The following SLC6A11 variants were observed in gnomAD, a reference collection of about 807,000 sequenced individuals.
SLC6A11 encodes the protein solute carrier family 6 member 11.
Under a neutral mutation model 74.8 loss-of-function variants are expected in SLC6A11, and 25 were observed. The observed-to-expected ratio is 0.33, with a 90% CI of 0.24 to 0.47. The LOEUF (loss-of-function observed/expected upper bound fraction) is 0.47. Ranked by LOEUF, SLC6A11 falls within the 20% of genes least tolerant of loss-of-function variation. The pLI, the probability that SLC6A11 is intolerant of heterozygous loss-of-function variation, is 1.00. For synonymous variants in SLC6A11, 330 were observed against 330.2 expected (o/e 1.00, Z 0.01); for missense variants, 574 against 837.0 (o/e 0.69, Z 3.88).
Position 10,918,214 on chromosome 3 carries a change from C to A in SLC6A11, c.996-115C>A. On this transcript the variant is annotated intron_variant, in intron 7 of 13. Coordinates refer to ENST00000254488, the MANE Select transcript of SLC6A11 (RefSeq NM_014229.3). This position sits in a 1 kb window ranked among gnomAD's most constrained non-coding sequence, Gnocchi z 4.5. ...CATCAGAAAAACAGAGCTCCCTGTG[C>A]CTGCACTTCCCTGCCTGCCTCACAG... is the stretch of plus-strand genomic sequence containing the variant. The A allele has an allele frequency of 2.5e-6, 3 of 1,209,776 alleles. No individual in the cohort carries two copies. The highest frequency in any genetic ancestry group is 3.3e-6 in the Non-Finnish European group (3 of 899,888). The allele number at this position is 1,209,776 out of a possible 1,614,324, so 74.9% of individuals were successfully genotyped here. A position where few individuals can be genotyped will look rare whatever the true frequency, so the allele number is the denominator to read the frequency against.
At chr3:10,858,338 G>A (rs947880869) in intron 5 of SLC6A11, among the ~76,000 whole-genome samples, 2 of 152,252 alleles carry the variant, frequency 1.3e-5, no homozygotes, top group South Asian at 4.1e-4. Context: ...CTTCTCACTC[G>A]AATAATTATA....
intron 6 of SLC6A11, among the ~76,000 whole-genome samples, chr3:10,894,261 A>T (rs1049760414): frequency 1.3e-5 from 2 of 152,198 alleles, no homozygotes; most frequent in Non-Finnish European, 2.9e-5. Flanking sequence ...CACCGGTTCC[A>T]TTCAGATGAG....
At chr3:10,920,469 C>G (rs1430972333) in intron 8 of SLC6A11, among the ~76,000 whole-genome samples, 3 of 152,166 alleles carry the variant, frequency 2.0e-5, no homozygotes, top group African/African-American at 7.2e-5. Flanking sequence ...GAGCTTACCC[C>G]TCAGTAAAAA....
intron 1 of SLC6A11, among the ~76,000 whole-genome samples, chr3:10,818,068 A>ATT (rs34707916): frequency 1.5e-5 from 2 of 137,592 alleles, no homozygotes; most frequent in Non-Finnish European, 3.1e-5. Flanking sequence ...TCTGTCACAG[A>ATT]TTTTTTTTTT....
At chr3:10,933,430 C>T (rs1192460147) in intron 11 of SLC6A11, among the ~76,000 whole-genome samples, 177 bp downstream of exon 11, 2 of 152,222 alleles carry the variant, frequency 1.3e-5, no homozygotes, top group Admixed American at 6.5e-5. Flanking sequence ...TCTGCTTTCA[C>T]ACCATGCAGC....
At chr3:10,856,204 G>A (rs1694636867) in intron 5 of SLC6A11, among the ~76,000 whole-genome samples, 2 of 152,254 alleles carry the variant, frequency 1.3e-5, no homozygotes, top group Admixed American at 1.3e-4. Context: ...AATCGAGAAA[G>A]GATTGATAGA....
intron 3 of SLC6A11, among the ~76,000 whole-genome samples, chr3:10,821,608 TATCCTATGC>T (rs763238755): frequency 2.0e-5 from 3 of 152,250 alleles, no homozygotes; most frequent in Non-Finnish European, 4.4e-5. Flanking sequence ...CAAATAGCAT[TATCCTATGC>T]ATCCATTTTC....
rs34661734 is a variant in SLC6A11 at position 10,834,340 on chromosome 3, G to GT, written c.624-9863dup. 6.3e-3 allele frequency among the ~76,000 whole-genome samples: 724 copies of GT among 114,204 alleles called. 1 individual carries two copies. The highest frequency in any genetic ancestry group is 0.013 in the African/African-American group (405 of 31,300). 74.9% of individuals were successfully genotyped at this position (114,204 alleles called of 152,430 possible). A position where few individuals can be genotyped will look rare whatever the true frequency, so the allele number is the denominator to read the frequency against. ...GGACTCAGGCTCTGGAAGTAAGTTT[G>GT]TTTTTTTTTTTGTTTTTTTTTTCAG... On this transcript the variant is annotated intron_variant, in intron 4 of 13. Transcript: ENST00000254488.
At chr3:10,919,359 A>G (rs1440322696) in intron 8 of SLC6A11, among the ~76,000 whole-genome samples, 2 of 152,226 alleles carry the variant, frequency 1.3e-5, no homozygotes, top group Non-Finnish European at 2.9e-5. Context: ...TTCACCTACA[A>G]GCATGTCCAG....
chr3:10,912,528 G>A (rs1695400944), intron 7 of SLC6A11, among the ~76,000 whole-genome samples: 1 of 152,198 alleles, frequency 6.6e-6, no homozygotes, highest in Non-Finnish European at 1.5e-5. Context: ...ATACACCAAG[G>A]GCCTTGTTCT....
chr3:10,897,881 C>A (rs996074779), intron 6 of SLC6A11, among the ~76,000 whole-genome samples: 1 of 152,218 alleles, frequency 6.6e-6, no homozygotes, highest in Non-Finnish European at 1.5e-5. Context: ...CACCCTGCCC[C>A]TGTAGCAAAC....
chr3:10,860,069 T>C (rs1323732029), intron 5 of SLC6A11, among the ~76,000 whole-genome samples: 1 of 152,234 alleles, frequency 6.6e-6, no homozygotes, highest in African/African-American at 2.4e-5. Flanking sequence ...GGCTGTTTCT[T>C]TGCAAGAAAA....
At chr3:10,905,969 T>C (rs1478450586) in intron 6 of SLC6A11, among the ~76,000 whole-genome samples, 6 of 152,190 alleles carry the variant, frequency 3.9e-5, no homozygotes, top group Non-Finnish European at 8.8e-5. Context: ...CTGATGATGA[T>C]CAAATATATG....
intron 4 of SLC6A11, among the ~76,000 whole-genome samples, chr3:10,833,405 C>T (rs1301088942): frequency 6.6e-6 from 1 of 152,158 alleles, no homozygotes; most frequent in Non-Finnish European, 1.5e-5. Flanking sequence ...AGGGAGAACC[C>T]AAGGTCTATT....
At chr3:10,901,842 AAGTGATTTTC>A (rs1189850302) in intron 6 of SLC6A11, among the ~76,000 whole-genome samples, 1 of 152,230 alleles carries the variant, frequency 6.6e-6, no homozygotes, top group Non-Finnish European at 1.5e-5. Context: ...GGTGGGAAGG[AAGTGATTTTC>A]ATGTAATCAT....
chr3:10,875,591 G>A, intron 6 of SLC6A11, among the ~76,000 whole-genome samples: 1 of 152,228 alleles, frequency 6.6e-6, no homozygotes, highest in East Asian at 1.9e-4. Flanking sequence ...GCATCTTGGT[G>A]AGAGAAACTG....
chr3:10,829,332 C>T (rs1246657637), intron 4 of SLC6A11, among the ~76,000 whole-genome samples: 1 of 152,204 alleles, frequency 6.6e-6, no homozygotes, highest in Admixed American at 6.5e-5. Flanking sequence ...AGGGTCCCTT[C>T]CAGCCTCATC....
chr3:10,928,928 G>A (rs559714165), intron 9 of SLC6A11, among the ~76,000 whole-genome samples: 9 of 152,196 alleles, frequency 5.9e-5, no homozygotes, highest in Non-Finnish European at 1.3e-4. Context: ...GGAGTCTGGA[G>A]ACACCAGCTC....
chr3:10,872,469 C>G (rs1442704494), intron 5 of SLC6A11, among the ~76,000 whole-genome samples: 1 of 152,146 alleles, frequency 6.6e-6, no homozygotes, highest in Non-Finnish European at 1.5e-5. Flanking sequence ...TGGAGAAGCC[C>G]TTCTGGACTG....
Sources: allele counts gnomAD v4.1 joint callset (sites outside exome capture counted in the v4.1 genomes callset), GRCh38; gene constraint gnomAD v4.1.1; non-coding constraint Gnocchi (gnomAD v3.1); transcripts MANE v1.5; gene names NCBI Gene and HGNC (gene_info 2026-07-23, HGNC 2026-07-21).